The following NBEA variants were observed in gnomAD, a reference collection of about 807,000 sequenced individuals.
NBEA encodes the protein lysosomal-trafficking regulator 2.
A neutral mutation model predicts 343.4 loss-of-function variants in NBEA; 44 were observed. That is an observed-to-expected ratio of 0.13 (90% CI 0.10 to 0.16). The LOEUF is 0.16. Among genes scored for constraint, NBEA ranks in the 10% least tolerant of loss-of-function variants. The pLI is 1.00. For synonymous variants in NBEA, 1,175 were observed against 1,238.7 expected (o/e 0.95, Z 1.08); for missense variants, 2,555 against 3,631.3 (o/e 0.70, Z 7.62).
chr13:35,453,341 TA>T (rs2046401184), intron 40 of NBEA, among the ~76,000 whole-genome samples: 1 of 152,238 alleles, frequency 6.6e-6, no homozygotes. Context: ...TTCTGTATTA[TA>T]AAAACTATTT....
chr13:35,390,911 G>T (rs2152899407), intron 38 of NBEA, among the ~76,000 whole-genome samples: 1 of 152,114 alleles, frequency 6.6e-6, no homozygotes, highest in East Asian at 1.9e-4. Context: ...ATGCCTGATT[G>T]AAGAGGAGTA....
intron 34 of NBEA, among the ~76,000 whole-genome samples, chr13:35,275,672 A>G (rs955996265): frequency 6.6e-6 from 1 of 152,092 alleles, no homozygotes; most frequent in Non-Finnish European, 1.5e-5. Flanking sequence ...AAAACAAACA[A>G]CCCCATCAAA....
intron 24 of NBEA, among the ~76,000 whole-genome samples, chr13:35,165,689 C>CTTTTT (rs577851529): frequency 1.5e-5 from 2 of 134,872 alleles, no homozygotes; most frequent in Non-Finnish European, 1.6e-5. Flanking sequence ...CTTTTCTTTT[C>CTTTTT]TTTTTTTTTT....
chr13:35,415,318 T>C (rs2043837702), intron 38 of NBEA, among the ~76,000 whole-genome samples: 1 of 152,324 alleles, frequency 6.6e-6, no homozygotes, highest in African/African-American at 2.4e-5. Context: ...CATGCCTATG[T>C]CCTGAATGGT....
At chr13:35,327,819 CACATCAACAGACTGCAA>C (rs992901059) in intron 36 of NBEA, among the ~76,000 whole-genome samples, 1 of 151,668 alleles carries the variant, frequency 6.6e-6, no homozygotes, top group African/African-American at 2.4e-5. Flanking sequence ...ATGAATATTC[CACATCAACAGACTGCAA>C]AAGAGAAAAA....
chr13:35,398,043 C>T (rs144064491), intron 38 of NBEA, among the ~76,000 whole-genome samples: 1 of 152,096 alleles, frequency 6.6e-6, no homozygotes, highest in Non-Finnish European at 1.5e-5. Flanking sequence ...TCCTCTCAAA[C>T]CCTGCAGCTG....
At chr13:34,964,100 G>A (rs1004926767) in intron 1 of NBEA, among the ~76,000 whole-genome samples, 1 of 151,944 alleles carries the variant, frequency 6.6e-6, no homozygotes, top group Non-Finnish European at 1.5e-5. Flanking sequence ...CTTACTGCCT[G>A]TTTTTTAGAA....
chr13:35,344,297 T>G (rs1232659298), intron 36 of NBEA, among the ~76,000 whole-genome samples: 1 of 152,032 alleles, frequency 6.6e-6, no homozygotes, highest in Non-Finnish European at 1.5e-5. Flanking sequence ...TAAAAGCTTA[T>G]TACTTGAGAG....
chr13:35,083,270 G>T (rs1283777776), intron 10 of NBEA, among the ~76,000 whole-genome samples: 2 of 152,034 alleles, frequency 1.3e-5, no homozygotes. Flanking sequence ...CTGTTCCATT[G>T]GTCTATATCT....
At chr13:35,177,804 A>G (rs889255098) in intron 28 of NBEA, among the ~76,000 whole-genome samples, 1 of 151,732 alleles carries the variant, frequency 6.6e-6, no homozygotes, top group Non-Finnish European at 1.5e-5. Flanking sequence ...GATGATTCTT[A>G]TCTAGTTGTT....
chr13:35,445,793 T>TAC (rs1555267118), intron 39 of NBEA, among the ~76,000 whole-genome samples: 1 of 78,738 alleles, frequency 1.3e-5, no homozygotes, highest in Admixed American at 1.1e-4. Flanking sequence ...TATATATATA[T>TAC]ATATATATAT....
chr13:35,659,108 C>G (rs988986794), intron 55 of NBEA, among the ~76,000 whole-genome samples: 4 of 152,184 alleles, frequency 2.6e-5, no homozygotes, highest in African/African-American at 4.8e-5. Context: ...GACCAGAAAG[C>G]TAGTTATGTC....
intron 41 of NBEA, among the ~76,000 whole-genome samples, chr13:35,510,992 A>G (rs969253407): frequency 1.3e-5 from 2 of 152,196 alleles, no homozygotes; most frequent in African/African-American, 2.4e-5. Context: ...TTTTCAGATA[A>G]CATAATAATA....
At chr13:35,615,307 A>T (rs2082692109) in intron 48 of NBEA, among the ~76,000 whole-genome samples, 1 of 144,138 alleles carries the variant, frequency 6.9e-6, no homozygotes, top group African/African-American at 2.5e-5. Flanking sequence ...AAAAAAAAAA[A>T]TTAGCTGAGG....
At chr13:34,952,515 A>G (rs1194101824) in intron 1 of NBEA, among the ~76,000 whole-genome samples, 1 of 152,234 alleles carries the variant, frequency 6.6e-6, no homozygotes, top group South Asian at 2.1e-4. Context: ...ATGCATTAAT[A>G]TATTATACAG....
Sources: gnomAD v4.1 joint callset for allele counts (sites outside exome capture counted in the v4.1 genomes callset) on GRCh38, gnomAD v4.1.1 for gene constraint, MANE v1.5 for transcripts, NCBI Gene and HGNC (gene_info 2026-07-23, HGNC 2026-07-21) for gene names.